Variants in ARHGAP21 observed in about 807,000 individuals in gnomAD.
ARHGAP21 encodes the protein Rho GTPase activating protein 21, also known as rho GTPase-activating protein 21.
Under a neutral mutation model 164.6 loss-of-function variants are expected in ARHGAP21, and 38 were observed. The ratio of observed to expected loss-of-function variants is 0.23; its 90% CI spans 0.18 to 0.30. The LOEUF is 0.30. Ranked by LOEUF, ARHGAP21 falls within the 10% of genes least tolerant of loss-of-function variation. The pLI is 1.00. For synonymous variants in ARHGAP21, 766 were observed against 857.9 expected, an observed-to-expected ratio of 0.89 and a Z score of 1.87; for missense variants, 1,822 against 2,370.7, an observed-to-expected ratio of 0.77 and a Z score of 4.81.
chr10:24,590,940 T>TAAAAAAAAAAAAA (rs901265529), intron 24 of ARHGAP21: 2 of 680,388 alleles, frequency 2.9e-6, no homozygotes, highest in Admixed American at 8.3e-5. Context: ...AACTGTGAAT[T>TAAAAAAAAAAAAA]AAAAAAAAAA....
intron 2 of ARHGAP21, among the ~76,000 whole-genome samples, chr10:24,716,539 G>A (rs921207325): frequency 3.9e-5 from 6 of 152,220 alleles, no homozygotes; most frequent in Non-Finnish European, 5.9e-5. Flanking sequence ...AGAGTGAGGC[G>A]GGAAGAGGCA....
chr10:24,626,767 T>C (rs1293498354), intron 7 of ARHGAP21, among the ~76,000 whole-genome samples: 1 of 152,188 alleles, frequency 6.6e-6, no homozygotes, highest in Non-Finnish European at 1.5e-5. Flanking sequence ...AACCTTTTTA[T>C]TTTGCAATAA....
rs900395904 is a variant in ARHGAP21, at chr10:24,721,750, G to T, written c.63+87C>A. 5 of 1,480,738 alleles carry T rather than the reference G, an allele frequency of 3.4e-6. No individual in the cohort carries two copies. In the African/African-American group the frequency reaches 5.6e-5, roughly 16 times the overall value. 91.7% of individuals were successfully genotyped at this position (1,480,738 alleles called of 1,614,324 possible). A position where few individuals can be genotyped will look rare whatever the true frequency, so the allele number is the denominator to read the frequency against. ...AAAGCCCCGGGAAGCCCCTAGTGAGGCCCCGTGGCCGGTAACCCCCAACTT... is the reference window on the plus strand; with the variant it reads ...AAAGCCCCGGGAAGCCCCTAGTGAGTCCCCGTGGCCGGTAACCCCCAACTT... On this transcript the variant is annotated intron_variant, in intron 2 of 25. Transcript: ENST00000396432.
Position 24,717,798 on chromosome 10 carries a change from T to C in ARHGAP21, c.63+4039A>G, listed in dbSNP as rs188018489. On this transcript the variant is annotated intron_variant, in intron 2 of 25. Transcript: ENST00000396432. ...CAGCTGGAGTACAGTGGCGCGATTT[T>C]GGCTACCTGCAACCTCTGCCTTCCG... is the stretch of plus-strand genomic sequence containing the variant. 6.6e-5 allele frequency among the ~76,000 whole-genome samples: 10 copies of C among 152,294 alleles called. 2 individuals are homozygous for C. The highest frequency in any genetic ancestry group is 2.4e-4 in the African/African-American group (10 of 41,570).
chr10:24,591,728 A>C (rs2076340023), intron 22 of ARHGAP21, 45 bp from the exon 23 acceptor site: 1 of 1,607,708 alleles, frequency 6.2e-7, no homozygotes. Context: ...CAAGCCTTTA[A>C]ATATACTGAG....
chr10:24,594,770 T>A (rs970845759), intron 21 of ARHGAP21, among the ~76,000 whole-genome samples, 180 bp downstream of exon 21: 5 of 152,228 alleles, frequency 3.3e-5, no homozygotes, highest in Non-Finnish European at 7.3e-5. Flanking sequence ...AATATCCTTT[T>A]AAAATGGTGA....
At chr10:24,627,574 T>C (rs1005679607) in intron 7 of ARHGAP21, among the ~76,000 whole-genome samples, 14 of 152,348 alleles carry the variant, frequency 9.2e-5, no homozygotes, top group Admixed American at 3.3e-4. Context: ...TGTTACAGTA[T>C]ACCAGAACTC....
chr10:24,647,466 T>C (rs1458565792), intron 4 of ARHGAP21, among the ~76,000 whole-genome samples: 4 of 152,086 alleles, frequency 2.6e-5, no homozygotes, highest in Admixed American at 6.6e-5. Context: ...GTTAGAGAGG[T>C]TGATGGGAAA....
chr10:24,671,884 ATTTTTT>A (rs35692163), intron 2 of ARHGAP21, among the ~76,000 whole-genome samples: 2 of 82,494 alleles, frequency 2.4e-5, no homozygotes, highest in African/African-American at 4.9e-5. Context: ...CATCAAGCTA[ATTTTTT>A]TTTTTTTTTT....
chr10:24,660,019 A>G (rs922429905), intron 4 of ARHGAP21, among the ~76,000 whole-genome samples: 6 of 152,150 alleles, frequency 3.9e-5, no homozygotes, highest in Non-Finnish European at 8.8e-5. Context: ...TACACTGTTA[A>G]ATTAGCTGCC....
chr10:24,668,776 T>G (rs1361898600), intron 3 of ARHGAP21, among the ~76,000 whole-genome samples: 1 of 152,186 alleles, frequency 6.6e-6, no homozygotes, highest in Non-Finnish European at 1.5e-5. Context: ...TGAGGGTTTA[T>G]TGTACTGTGC....
At chr10:24,686,407 AAC>A (rs1319211159) in intron 2 of ARHGAP21, among the ~76,000 whole-genome samples, 1 of 152,158 alleles carries the variant, frequency 6.6e-6, no homozygotes, top group East Asian at 1.9e-4. Context: ...CAGCCTGGGC[AAC>A]AGAGTGAGAC....
At chr10:24,641,170 T>C (rs1300730187) in intron 4 of ARHGAP21, among the ~76,000 whole-genome samples, 1 of 152,144 alleles carries the variant, frequency 6.6e-6, no homozygotes, top group African/African-American at 2.4e-5. Context: ...ATCTTAAGAG[T>C]CTAACAGAGA....
intron 2 of ARHGAP21, among the ~76,000 whole-genome samples, chr10:24,707,792 C>T (rs1384272421): frequency 6.6e-6 from 1 of 152,152 alleles, no homozygotes; most frequent in Non-Finnish European, 1.5e-5. Context: ...ACCGGCACTG[C>T]CTAAATTCAG....
intron 4 of ARHGAP21, among the ~76,000 whole-genome samples, chr10:24,643,513 A>C (rs1183887883): frequency 1.3e-5 from 2 of 152,206 alleles, no homozygotes; most frequent in African/African-American, 4.8e-5. Context: ...GTCTCCCTCC[A>C]GAAATTACTA....
intron 4 of ARHGAP21, among the ~76,000 whole-genome samples, chr10:24,642,721 A>G (rs1364681737): frequency 6.6e-6 from 1 of 152,188 alleles, no homozygotes; most frequent in African/African-American, 2.4e-5. Context: ...AAATTTAGAA[A>G]GGTTTCACAT....
At chr10:24,702,347 G>A (rs1013957319) in intron 2 of ARHGAP21, among the ~76,000 whole-genome samples, 2 of 151,788 alleles carry the variant, frequency 1.3e-5, no homozygotes, top group African/African-American at 2.4e-5. Flanking sequence ...TAGCCAGGAT[G>A]GTCTCGATCT....
At chr10:24,701,555 A>T (rs755916761) in intron 2 of ARHGAP21, among the ~76,000 whole-genome samples, 40 of 152,306 alleles carry the variant, frequency 2.6e-4, no homozygotes, top group South Asian at 6.2e-4. Flanking sequence ...CTATGCAGAG[A>T]TCTGAAATGA....
At chr10:24,611,670 C>T (rs1260892221) in intron 9 of ARHGAP21, among the ~76,000 whole-genome samples, 3 of 150,166 alleles carry the variant, frequency 2.0e-5, no homozygotes, top group Non-Finnish European at 3.0e-5. Context: ...CGCCACTGCC[C>T]GACTCCAGCC....
Sources: allele counts gnomAD v4.1 joint callset (sites outside exome capture counted in the v4.1 genomes callset), GRCh38; gene constraint gnomAD v4.1.1; transcripts MANE v1.5; gene names NCBI Gene and HGNC (gene_info 2026-07-23, HGNC 2026-07-21).